TIMM44: variants seen among roughly 807,000 people sequenced by gnomAD.
The protein encoded by TIMM44 is mitochondrial import inner membrane translocase subunit TIM44.
Under a neutral mutation model 63.8 loss-of-function variants are expected in TIMM44, and 37 were observed. The ratio of observed to expected loss-of-function variants is 0.58; its 90% CI spans 0.45 to 0.76. The LOEUF is 0.76. Among genes scored for constraint, TIMM44 ranks in the 30% least tolerant of loss-of-function variants. The pLI is 0.00. For missense variants in TIMM44, 573 were observed against 603.8 expected (o/e 0.95, Z 0.54); for synonymous variants, 239 against 245.1 (o/e 0.98, Z 0.23).
intron 3 of TIMM44, chr19:7,937,722 G>A: frequency 5.6e-6 from 2 of 357,536 alleles, no homozygotes; most frequent in Non-Finnish European, 1.1e-5. Context: ...ACCAAGAAAG[G>A]TAAGAAGCAA....
intron 10 of TIMM44, among the ~76,000 whole-genome samples, chr19:7,930,830 C>T (rs911493005): frequency 6.6e-6 from 1 of 152,210 alleles, no homozygotes; most frequent in African/African-American, 2.4e-5. Flanking sequence ...GGGACACCCC[C>T]AACCAGCCAT....
chr19:7,927,169 C>G lies in TIMM44; in HGVS notation c.*18G>C. On this transcript the variant is annotated 3_prime_UTR_variant, in exon 13 of 13. Transcript: ENST00000270538. ...GCCTGATGACCCAGGCCGGGGCTAC[C>G]TGGCTCCGGCACCACACTCAGAGAA... 6.2e-7 allele frequency: 1 copy of G among 1,601,926 alleles called. No homozygotes were observed. The highest frequency in any genetic ancestry group is 8.5e-7 in the Non-Finnish European group (1 of 1,178,340).
chr19:7,936,617 T>C (rs544378900), intron 3 of TIMM44, among the ~76,000 whole-genome samples: 1 of 152,328 alleles, frequency 6.6e-6, no homozygotes, highest in Admixed American at 6.5e-5. Flanking sequence ...AATAAAGGAA[T>C]GCAGAGCCAT....
Position 7,943,075 on chromosome 19 carries a change from A to G in TIMM44, c.45+532T>C, listed in dbSNP as rs1173930689. ...AAAAAAAGAGAAAAAAGAAAAAACG[A>G]AGAGCACGAGCAATATGAAGTACTA... is the stretch of plus-strand genomic sequence containing the variant. On this transcript the variant is annotated intron_variant, in intron 1 of 12. Transcript: ENST00000270538. The surrounding 1 kb of genome is among the most constrained non-coding windows in gnomAD (Gnocchi z 4.3). 6.6e-6 allele frequency among the ~76,000 whole-genome samples: 1 copy of G among 151,522 alleles called. No homozygotes were observed. The highest frequency in any genetic ancestry group is 1.5e-5 in the Non-Finnish European group (1 of 67,924).
Position 7,931,437 on chromosome 19 carries a change from C to T in TIMM44, c.988-249G>A, listed in dbSNP as rs916440918. ...CCTGCGGGCGACCACCCAGGAGGCA[C>T]CCCACAGGGGGACCCCCCTGGAACC... On this transcript the variant is annotated intron_variant, in intron 9 of 12. Transcript: ENST00000270538. 9.5e-6 allele frequency: 5 copies of T among 528,464 alleles called. No individual in the cohort carries two copies. In the African/African-American group the frequency reaches 9.6e-5, roughly 10 times the overall value. The allele number at this position is 528,464 out of a possible 1,614,324, so 32.7% of individuals were successfully genotyped here. A position where few individuals can be genotyped will look rare whatever the true frequency, so the allele number is the denominator to read the frequency against.
At chr19:7,935,241 C>T (rs1293724189) in intron 3 of TIMM44, 96 bp from the exon 4 acceptor site, 1 of 1,100,648 alleles carries the variant, frequency 9.1e-7, no homozygotes. Flanking sequence ...TCTCGGCTCA[C>T]TGCAACTTCC....
intron 10 of TIMM44, chr19:7,928,531 A>C: frequency 3.9e-6 from 1 of 256,610 alleles, no homozygotes; most frequent in Non-Finnish European, 7.7e-6. Flanking sequence ...CTGAGATCAA[A>C]CGCCTCTTCT....
chr19:7,929,374 G>A (rs1983914591), intron 10 of TIMM44, among the ~76,000 whole-genome samples: 1 of 152,184 alleles, frequency 6.6e-6, no homozygotes, highest in Admixed American at 6.5e-5. Flanking sequence ...TGTTTTGTTT[G>A]GATCTATGTT....
rs1568296261 is a variant in TIMM44 at position 7,933,878 on chromosome 19, C to T, written c.669G>A (p.Val223=). ...CTGGTACCTACTCGTTTGGCTCAAACACTTTCTCCTCCTTGAACTTATCTC... is the reference window on the plus strand; with the variant it reads ...CTGGTACCTACTCGTTTGGCTCAAATACTTTCTCCTCCTTGAACTTATCTC... ...FAGDKFKEEK[V]FEPNEEALGV... is the part of the protein sequence containing the mutation. Residue 223 remains valine, a synonymous_variant, in exon 6 of 13, where the codon GTG becomes GTA. Transcript: ENST00000270538. This position sits in a 1 kb window ranked among gnomAD's most constrained non-coding sequence, Gnocchi z 4.3. 6.2e-7 allele frequency: 1 copy of T among 1,614,174 alleles called. No homozygotes were observed. Among genetic ancestry groups the T allele is most frequent in the Non-Finnish European group, 8.5e-7 (1 of 1,180,038 alleles).
chr19:7,928,278 A>G (rs1217960076), intron 10 of TIMM44, 112 bp from the exon 11 acceptor site: 28 of 905,870 alleles, frequency 3.1e-5, no homozygotes, highest in Non-Finnish European at 8.6e-6. Flanking sequence ...CCAGCCAGCA[A>G]TGGCAGAGGC....
chr19:7,941,216 G>A lies in TIMM44; in HGVS notation c.46-19C>T. The stretch of plus-strand genomic sequence containing the variant: ...GGCATCTCTAATTGGGGGGAGAGAA[G>A]AGAAAGATCCATTCTAACAAGAGGT... On this transcript the variant is annotated intron_variant, in intron 1 of 12. Coordinates refer to ENST00000270538, the MANE Select transcript of TIMM44 (RefSeq NM_006351.4). 8 of 1,584,204 alleles carry A rather than the reference G, an allele frequency of 5.0e-6. No homozygotes were observed. Among genetic ancestry groups the A allele is most frequent in the Non-Finnish European group, 6.9e-6 (8 of 1,152,950 alleles).
Position 7,933,849 on chromosome 19 carries a change from C to G in TIMM44, c.683+15G>C. 1 of 1,613,894 alleles carries G rather than the reference C, an allele frequency of 6.2e-7. No individual in the cohort carries two copies. The highest frequency in any genetic ancestry group is 1.1e-5 in the South Asian group (1 of 91,068). On this transcript the variant is annotated intron_variant, in intron 6 of 12. Coordinates refer to ENST00000270538, the MANE Select transcript of TIMM44 (RefSeq NM_006351.4). This position sits in a 1 kb window ranked among gnomAD's most constrained non-coding sequence, Gnocchi z 4.3. Reference sequence around the variant, plus strand: ...CCCAAAATGGGGGCAGCGAGGGCCACGGGCTGGTACCTACTCGTTTGGCTC... The same window carrying G: ...CCCAAAATGGGGGCAGCGAGGGCCAGGGGCTGGTACCTACTCGTTTGGCTC...
intron 1 of TIMM44, among the ~76,000 whole-genome samples, chr19:7,941,980 T>C (rs56190131): frequency 0.095 from 14,529 of 152,234 alleles, 812 homozygotes; most frequent in African/African-American, 0.16. Context: ...TACAATGTCC[T>C]CCTCAAGGGT....
rs1467389918 is a variant in TIMM44, at chr19:7,943,638, G to A, written c.14C>T (p.Ala5Val). The A allele has an allele frequency of 4.5e-6, 7 of 1,566,318 alleles. No homozygotes were observed. Among genetic ancestry groups the A allele is most frequent in the African/African-American group, 1.4e-5 (1 of 73,946 alleles). The change falls in exon 1 of 13, where the codon GCC (alanine) becomes GTC (valine). Residue 5 changes from alanine (A) to valine (V), a missense_variant. Transcript: ENST00000270538. The surrounding 1 kb of genome is among the most constrained non-coding windows in gnomAD (Gnocchi z 4.3). ...ACAGCGGCACCAGCCACTCCGCAGG[G>A]CCGCCGCCGCCATGTTGGAGAATCG... is the stretch of plus-strand genomic sequence containing the variant. MAAAALRSGWCRCPR... is the reference protein window; with the variant it reads MAAAVLRSGWCRCPR...
At chr19:7,928,267 G>A (rs1282932881) in intron 10 of TIMM44, 101 bp from the exon 11 acceptor site, 32 of 1,028,846 alleles carry the variant, frequency 3.1e-5, no homozygotes, top group South Asian at 5.7e-5. Flanking sequence ...GTGCCCTGCC[G>A]CCAGCCAGCA....
intron 3 of TIMM44, 181 bp downstream of exon 3, chr19:7,937,846 C>T (rs1984197921): frequency 1.5e-6 from 1 of 682,066 alleles, no homozygotes; most frequent in Non-Finnish European, 2.5e-6. Context: ...GGTGAAACCT[C>T]TTCACTACTA....
Position 7,927,136 on chromosome 19 carries a change from G to C in TIMM44, c.*51C>G. The C allele has an allele frequency of 6.4e-7, 1 of 1,569,614 alleles. No homozygotes were observed. The highest frequency in any genetic ancestry group is 2.3e-5 in the East Asian group (1 of 42,810). ...GAGTTGCCGCAGGTGGTGTTGCGGT[G>C]CCTCTGTGCCTGATGACCCAGGCCG... is the stretch of plus-strand genomic sequence containing the variant. On this transcript the variant is annotated 3_prime_UTR_variant, in exon 13 of 13. Coordinates refer to ENST00000270538, the MANE Select transcript of TIMM44 (RefSeq NM_006351.4).
Position 7,943,643 on chromosome 19 carries a change from C to T in TIMM44, c.9G>A (p.Ala3=). 2 of 1,566,844 alleles carry T rather than the reference C, an allele frequency of 1.3e-6. No homozygotes were observed. Among genetic ancestry groups the T allele is most frequent in the South Asian group, 1.2e-5 (1 of 86,592 alleles). Residue 3 remains alanine (A), a synonymous_variant, in exon 1 of 13, where the codon GCG becomes GCA. Transcript: ENST00000270538. This position sits in a 1 kb window ranked among gnomAD's most constrained non-coding sequence, Gnocchi z 4.3. MA[A]AALRSGWCRC... ...GGCACCAGCCACTCCGCAGGGCCGC[C>T]GCCGCCATGTTGGAGAATCGTGTGA...
chr19:7,932,451 G>T (rs746885644), intron 9 of TIMM44, 176 bp downstream of exon 9: 2 of 834,646 alleles, frequency 2.4e-6, no homozygotes, highest in Non-Finnish European at 3.7e-6. Context: ...GAAGGGCTTC[G>T]GGCACAGCTC....
Sources: gnomAD v4.1 joint callset for allele counts (sites outside exome capture counted in the v4.1 genomes callset) on GRCh38, gnomAD v4.1.1 for gene constraint, Gnocchi (gnomAD v3.1) non-coding constraint, MANE v1.5 for transcripts, NCBI Gene and HGNC (gene_info 2026-07-23, HGNC 2026-07-21) for gene names.